The following C7 variants were observed in gnomAD, a reference collection of about 807,000 sequenced individuals.
C7 encodes the protein complement component C7.
A neutral mutation model predicts 104.8 loss-of-function variants in C7; 83 were observed. That is an observed-to-expected ratio of 0.79 (90% CI 0.66 to 0.95). C7 has a LOEUF of 0.95. Ranked by LOEUF, C7 falls within the 40% of genes least tolerant of loss-of-function variation. C7 has a pLI of 0.00. For synonymous variants in C7, 415 were observed against 360.6 expected (o/e 1.15, Z -1.71); for missense variants, 1,070 against 1,011.2 (o/e 1.06, Z -0.79).
intron 1 of C7, among the ~76,000 whole-genome samples, chr5:40,910,681 C>T (rs1739188135): frequency 2.7e-5 from 4 of 150,218 alleles, no homozygotes; most frequent in Non-Finnish European, 4.4e-5. Flanking sequence ...AATCAAATAC[C>T]CCATGTTCTT....
chr5:40,969,920 T>A (rs1406602239), intron 14 of C7, among the ~76,000 whole-genome samples: 2 of 152,116 alleles, frequency 1.3e-5, no homozygotes, highest in East Asian at 3.9e-4. Flanking sequence ...AGAAATAGTT[T>A]TCCTTTTAAT....
At chr5:40,911,526 A>G (rs1452741897) in intron 1 of C7, among the ~76,000 whole-genome samples, 1 of 152,134 alleles carries the variant, frequency 6.6e-6, no homozygotes, top group African/African-American at 2.4e-5. Context: ...GGGGCCTGTG[A>G]ATCTAGGGAA....
intron 6 of C7, among the ~76,000 whole-genome samples, chr5:40,944,306 G>A (rs1384077344): frequency 6.6e-6 from 1 of 152,190 alleles, no homozygotes; most frequent in Non-Finnish European, 1.5e-5. Flanking sequence ...CAAATTAGTT[G>A]TCTATAACTT....
chr5:40,927,491 A>G (rs913880932), intron 1 of C7, among the ~76,000 whole-genome samples: 1 of 152,088 alleles, frequency 6.6e-6, no homozygotes, highest in Non-Finnish European at 1.5e-5. Context: ...TAAGTCATAC[A>G]TTCAAGAAGA....
At chr5:40,966,085 T>C (rs1230991086) in intron 14 of C7, among the ~76,000 whole-genome samples, 2 of 152,092 alleles carry the variant, frequency 1.3e-5, no homozygotes, top group African/African-American at 4.8e-5. Flanking sequence ...TTTTCTTATT[T>C]TTTAATTTAA....
At chr5:40,930,395 G>A (rs1208667275) in intron 2 of C7, among the ~76,000 whole-genome samples, 7 of 151,202 alleles carry the variant, frequency 4.6e-5, no homozygotes, top group African/African-American at 1.2e-4. Flanking sequence ...TAGTAGAGAC[G>A]GGGTTTCACC....
intron 14 of C7, among the ~76,000 whole-genome samples, chr5:40,970,191 C>T (rs943990716): frequency 6.6e-6 from 1 of 152,074 alleles, no homozygotes; most frequent in Non-Finnish European, 1.5e-5. Context: ...GTGATGAAGT[C>T]AAAGCTTTCA....
intron 9 of C7, among the ~76,000 whole-genome samples, chr5:40,953,951 A>G (rs1740232738): frequency 6.6e-6 from 1 of 152,120 alleles, no homozygotes; most frequent in African/African-American, 2.4e-5. Flanking sequence ...CAATATGCTT[A>G]TTTTATGAAA....
chr5:40,959,736 A>G lies in C7; in HGVS notation c.1661+116A>G, dbSNP rs1242753922. Reference sequence around the variant, plus strand: ...TAGAAGTTAAATGGCTATTTTTACCAGGGACTGCTTTGTCCCTTAGCACTA... The same window carrying G: ...TAGAAGTTAAATGGCTATTTTTACCGGGGACTGCTTTGTCCCTTAGCACTA... On this transcript the variant is annotated intron_variant, in intron 12 of 17. Transcript: ENST00000313164. The G allele has an allele frequency of 6.2e-6, 5 of 803,376 alleles. No individual in the cohort carries two copies. The East Asian group carries it at 1.1e-4, about 18-fold the overall frequency. 49.8% of individuals were successfully genotyped at this position (803,376 alleles called of 1,614,324 possible).
intron 11 of C7, among the ~76,000 whole-genome samples, chr5:40,958,751 G>A (rs1427190632): frequency 6.6e-6 from 1 of 152,150 alleles, no homozygotes; most frequent in African/African-American, 2.4e-5. Flanking sequence ...ATGTGAAATT[G>A]ACTTTATGAG....
In C7 at chr5:40,926,251, AG is replaced by A. The variant is rs1739546931; in HGVS notation, c.7-2328del. Among the ~76,000 whole-genome samples, 25 of 152,342 alleles carry A rather than the reference AG, an allele frequency of 1.6e-4. No individual in the cohort carries two copies. In the South Asian group the frequency reaches 5.2e-3, roughly 32 times the overall value. On this transcript the variant is annotated intron_variant, in intron 1 of 17. Transcript: ENST00000313164. ...CTCACCAAGTTAGGTACAGAAGAAA[AG>A]TAACTTGACACAATAAATGCCACAT...
chr5:40,919,580 T>A (rs574246742), intron 1 of C7, among the ~76,000 whole-genome samples: 106 of 152,230 alleles, frequency 7.0e-4, no homozygotes, highest in African/African-American at 2.4e-3. Context: ...TAGCTATGAC[T>A]GTGCGAGTGC....
At chr5:40,957,350 A>C (rs1475384718) in intron 10 of C7, among the ~76,000 whole-genome samples, 1 of 152,212 alleles carries the variant, frequency 6.6e-6, no homozygotes, top group African/African-American at 2.4e-5. Flanking sequence ...AGAATCCATG[A>C]TTTCCACTAA....
intron 17 of C7, 53 bp from the exon 18 acceptor site, chr5:40,981,339 G>T (rs936027121): frequency 6.5e-7 from 1 of 1,532,634 alleles, no homozygotes; most frequent in South Asian, 1.2e-5. Context: ...GATGTTCTTT[G>T]ACTCCCCGAC....
chr5:40,915,734 C>CA (rs1561234854), intron 1 of C7, among the ~76,000 whole-genome samples: 1 of 152,176 alleles, frequency 6.6e-6, no homozygotes, highest in Non-Finnish European at 1.5e-5. Flanking sequence ...GGCACCTTTT[C>CA]ACCCTTTCAG....
chr5:40,928,512 A>G, intron 1 of C7, 68 bp from the exon 2 acceptor site: 2 of 873,004 alleles, frequency 2.3e-6, no homozygotes, highest in Admixed American at 5.1e-5. Flanking sequence ...TACAATTATA[A>G]ATTGTCAATT....
intron 11 of C7, among the ~76,000 whole-genome samples, chr5:40,959,036 C>T (rs1356582010): frequency 1.3e-5 from 2 of 152,154 alleles, no homozygotes; most frequent in African/African-American, 4.8e-5. Flanking sequence ...TAAAATTCTA[C>T]GACTGTGATT....
intron 6 of C7, among the ~76,000 whole-genome samples, chr5:40,938,498 C>T (rs1739862720): frequency 6.6e-6 from 1 of 151,882 alleles, no homozygotes; most frequent in Admixed American, 6.6e-5. Context: ...TGCCTGAGTC[C>T]CATACAAATG....
chr5:40,966,575 C>T (rs1215063837), intron 14 of C7, among the ~76,000 whole-genome samples: 1 of 152,012 alleles, frequency 6.6e-6, no homozygotes, highest in African/African-American at 2.4e-5. Context: ...GATGGGGTTT[C>T]ACTCTGTTGG....
Sources: gnomAD v4.1 joint callset for allele counts (sites outside exome capture counted in the v4.1 genomes callset) on GRCh38, gnomAD v4.1.1 for gene constraint, MANE v1.5 for transcripts, NCBI Gene and HGNC (gene_info 2026-07-23, HGNC 2026-07-21) for gene names.